Variants in GAB2 observed in about 807,000 individuals in gnomAD.
GAB2 encodes the protein GRB2 associated binding protein 2, also known as GRB2-associated-binding protein 2.
A neutral mutation model predicts 65.5 loss-of-function variants in GAB2; 26 were observed. The observed-to-expected ratio is 0.40, with a 90% CI of 0.29 to 0.55. The LOEUF is 0.55. GAB2 is among the 20% of genes least tolerant of loss of function. The pLI is 0.53. For synonymous variants in GAB2, 321 were observed against 329.6 expected (o/e 0.97, Z 0.28); for missense variants, 884 against 875.8 (o/e 1.01, Z -0.12).
In GAB2 at chr11:78,215,314, G is replaced by A. The variant is rs1397970319; in HGVS notation, c.*3958C>T. ...CTGGTTCTGGGGTGCATTTCTAGTG[G>A]ACTTTATTGTCCTGCTCCAACACCA... On this transcript the variant is annotated 3_prime_UTR_variant, in exon 10 of 10. Coordinates refer to ENST00000361507, the MANE Select transcript of GAB2 (RefSeq NM_080491.3). 2 of 152,508 alleles carry A rather than the reference G, an allele frequency of 1.3e-5. No homozygotes were observed. Among genetic ancestry groups the A allele is most frequent in the Non-Finnish European group, 2.9e-5 (2 of 68,036 alleles). The allele number at this position is 152,508 out of a possible 1,614,324, so 9.4% of individuals were successfully genotyped here.
intron 1 of GAB2, among the ~76,000 whole-genome samples, chr11:78,387,187 A>G (rs984608916): frequency 2.0e-5 from 3 of 152,128 alleles, no homozygotes; most frequent in East Asian, 3.9e-4. Context: ...CCACAATGGA[A>G]TATCTTCTTT....
At chr11:78,273,464 G>A (rs975469499) in intron 2 of GAB2, among the ~76,000 whole-genome samples, 3 of 152,252 alleles carry the variant, frequency 2.0e-5, no homozygotes, top group African/African-American at 7.2e-5. Context: ...GGACTTGCAT[G>A]GGGCCTGTAG....
intron 2 of GAB2, among the ~76,000 whole-genome samples, chr11:78,258,524 A>T (rs1290157522): frequency 1.3e-5 from 2 of 152,120 alleles, no homozygotes; most frequent in African/African-American, 4.8e-5. Context: ...TTTCCCCTCA[A>T]TGAGAAACAT....
chr11:78,217,329 A>C lies in GAB2; in HGVS notation c.*1943T>G, dbSNP rs1864198230. Reference sequence around the variant, plus strand: ...CTTAGTGCTTAACCCCAGAAACTGGAGACAGCAGCCATTAATAAATACTCC... The same window carrying C: ...CTTAGTGCTTAACCCCAGAAACTGGCGACAGCAGCCATTAATAAATACTCC... On this transcript the variant is annotated 3_prime_UTR_variant, in exon 10 of 10. Coordinates refer to ENST00000361507, the MANE Select transcript of GAB2 (RefSeq NM_080491.3). The C allele has an allele frequency of 6.6e-6, 1 of 152,210 alleles. No homozygotes were observed. The highest frequency in any genetic ancestry group is 1.5e-5 in the Non-Finnish European group (1 of 68,050). 9.4% of individuals were successfully genotyped at this position (152,210 alleles called of 1,614,324 possible). A position where few individuals can be genotyped will look rare whatever the true frequency, so the allele number is the denominator to read the frequency against.
At chr11:78,249,053 G>A (rs879810308) in intron 3 of GAB2, among the ~76,000 whole-genome samples, 1 of 152,222 alleles carries the variant, frequency 6.6e-6, no homozygotes, top group Non-Finnish European at 1.5e-5. Context: ...TTAAGATTAA[G>A]TGTTGGAGCC....
chr11:78,293,906 G>A lies in GAB2; in HGVS notation c.76-13005C>T, dbSNP rs973130814. Among the ~76,000 whole-genome samples, 3 of 148,314 alleles carry A rather than the reference G, an allele frequency of 2.0e-5. No individual in the cohort carries two copies. In the East Asian group the frequency reaches 6.6e-4, roughly 33 times the overall value. ...TAAAAGATGGATATTGATGAAATATGAGTCTTTTTTTATTTTTATTTTTAT... is the reference window on the plus strand; with the variant it reads ...TAAAAGATGGATATTGATGAAATATAAGTCTTTTTTTATTTTTATTTTTAT... On this transcript the variant is annotated intron_variant, in intron 1 of 9. Coordinates refer to ENST00000361507, the MANE Select transcript of GAB2 (RefSeq NM_080491.3).
At chr11:78,232,777 G>A (rs894380462) in intron 3 of GAB2, among the ~76,000 whole-genome samples, 8 of 152,166 alleles carry the variant, frequency 5.3e-5, no homozygotes, top group African/African-American at 1.7e-4. Flanking sequence ...GCTGGTATTA[G>A]TAGCCTCAGT....
At chr11:78,328,516 C>T (rs563300127) in intron 1 of GAB2, among the ~76,000 whole-genome samples, 6 of 152,056 alleles carry the variant, frequency 3.9e-5, no homozygotes, top group African/African-American at 1.2e-4. Flanking sequence ...AAGCTGGAAA[C>T]GGCACAGGCA....
At chr11:78,220,548 C>T (rs1864373243) in intron 8 of GAB2, 104 bp from the exon 9 acceptor site, 1 of 932,800 alleles carries the variant, frequency 1.1e-6, no homozygotes, top group East Asian at 2.5e-5. Context: ...CTGAGCCCTA[C>T]TCTGACACAT....
At chr11:78,364,496 T>C (rs1332787537) in intron 1 of GAB2, among the ~76,000 whole-genome samples, 1 of 152,218 alleles carries the variant, frequency 6.6e-6, no homozygotes, top group Non-Finnish European at 1.5e-5. Flanking sequence ...ATGCTACTTT[T>C]TGTATACTAT....
At chr11:78,334,804 T>C (rs1408807813) in intron 1 of GAB2, among the ~76,000 whole-genome samples, 1 of 152,234 alleles carries the variant, frequency 6.6e-6, no homozygotes, top group Non-Finnish European at 1.5e-5. Flanking sequence ...GGTAGCTCTA[T>C]TTTTTGAGGA....
At chr11:78,292,030 G>GTGAGAC (rs1866696835) in intron 1 of GAB2, among the ~76,000 whole-genome samples, 1 of 92,782 alleles carries the variant, frequency 1.1e-5, no homozygotes, top group South Asian at 4.1e-4. Context: ...GTGTGTGTGT[G>GTGAGAC]AGAGAGAGAG....
At chr11:78,336,907 AAT>A (rs2134685697) in intron 1 of GAB2, among the ~76,000 whole-genome samples, 1 of 152,368 alleles carries the variant, frequency 6.6e-6, no homozygotes, top group Admixed American at 6.5e-5. Context: ...ATTGAACTAA[AAT>A]ATGTTAGCAT....
At chr11:78,374,724 TA>T (rs1856611829) in intron 1 of GAB2, among the ~76,000 whole-genome samples, 1 of 152,186 alleles carries the variant, frequency 6.6e-6, no homozygotes. Context: ...GTAAGTAATA[TA>T]ATGGCACACA....
intron 5 of GAB2, among the ~76,000 whole-genome samples, chr11:78,224,465 C>G (rs918470341): frequency 4.6e-5 from 7 of 152,178 alleles, no homozygotes; most frequent in Non-Finnish European, 7.3e-5. Flanking sequence ...CTCCAGGCAC[C>G]TAGGGGACCA....
chr11:78,411,908 TA>T (rs1197686346), intron 1 of GAB2, among the ~76,000 whole-genome samples: 1 of 152,022 alleles, frequency 6.6e-6, no homozygotes, highest in Non-Finnish European at 1.5e-5. Flanking sequence ...CGCACACCTG[TA>T]GTCCCAGCTA....
intron 2 of GAB2, among the ~76,000 whole-genome samples, chr11:78,257,735 T>G (rs1865630365): frequency 6.6e-6 from 1 of 152,184 alleles, no homozygotes; most frequent in African/African-American, 2.4e-5. Context: ...CAACAGTGAC[T>G]GTGGTAAGCA....
intron 1 of GAB2, among the ~76,000 whole-genome samples, chr11:78,415,565 A>G (rs1393415765): frequency 6.6e-6 from 1 of 152,250 alleles, no homozygotes; most frequent in Non-Finnish European, 1.5e-5. Flanking sequence ...GAAGGGGCAG[A>G]GGCTTCCAGT....
intron 2 of GAB2, among the ~76,000 whole-genome samples, chr11:78,264,855 T>C (rs1216084789): frequency 6.6e-6 from 1 of 152,178 alleles, no homozygotes; most frequent in South Asian, 2.1e-4. Flanking sequence ...AGGGGTTATT[T>C]AGGATATTTT....
Sources: allele counts gnomAD v4.1 joint callset (sites outside exome capture counted in the v4.1 genomes callset), GRCh38; gene constraint gnomAD v4.1.1; transcripts MANE v1.5; gene names NCBI Gene and HGNC (gene_info 2026-07-23, HGNC 2026-07-21).